The following AP3B1 variants were observed in gnomAD, a reference collection of about 807,000 sequenced individuals.
AP3B1 encodes the protein adaptor related protein complex 3 subunit beta 1, also known as AP-3 complex subunit beta-1.
In AP3B1, 61 loss-of-function variants were observed where a neutral mutation model predicts 132.5. That is an observed-to-expected ratio of 0.46 (90% CI 0.37 to 0.57). The LOEUF (loss-of-function observed/expected upper bound fraction) is 0.57, where lower values mean the gene tolerates loss of function less well. Among genes scored for constraint, AP3B1 ranks in the 20% least tolerant of loss-of-function variants. AP3B1 has a pLI of 0.00. For missense variants in AP3B1, 1,120 were observed against 1,289.4 expected, an observed-to-expected ratio of 0.87 and a Z score of 2.01; for synonymous variants, 388 against 438.3, an observed-to-expected ratio of 0.89 and a Z score of 1.43.
chr5:78,225,789 T>TC lies in AP3B1; in HGVS notation c.537-182dup, dbSNP rs1349257254. On this transcript the variant is annotated intron_variant, in intron 5 of 26. Transcript: ENST00000255194. ...TTTCTCATGAATGTGTCCTCATCTT[T>TC]CCCTCTAATATTGTTCATATTAACT... 1.2e-4 allele frequency among the ~76,000 whole-genome samples: 18 copies of TC among 152,112 alleles called. No homozygotes were observed. The East Asian group carries it at 3.5e-3, about 29-fold the overall frequency.
rs533281488 is a variant in AP3B1 at position 78,163,610 on chromosome 5, T to A, written c.1231-659A>T. On this transcript the variant is annotated intron_variant, in intron 12 of 26. Coordinates refer to ENST00000255194, the MANE Select transcript of AP3B1 (RefSeq NM_003664.5). ...GTGTGTGTATATATATATATGTGTG[T>A]GTGTGTATATATAGTATATATATAG... Among the ~76,000 whole-genome samples, 5 of 147,604 alleles carry A rather than the reference T, an allele frequency of 3.4e-5. No individual in the cohort carries two copies. In the South Asian group the frequency reaches 1.1e-3, roughly 31 times the overall value.
At chr5:78,146,333 A>C (rs1753393518) in intron 14 of AP3B1, among the ~76,000 whole-genome samples, 1 of 152,124 alleles carries the variant, frequency 6.6e-6, no homozygotes, top group Non-Finnish European at 1.5e-5. Context: ...TCTGCACAAC[A>C]AATTGTTTTG....
chr5:78,027,754 A>G (rs548279653), intron 24 of AP3B1, among the ~76,000 whole-genome samples: 34 of 152,110 alleles, frequency 2.2e-4, no homozygotes, highest in Non-Finnish European at 3.4e-4. Context: ...CTCTCTACAT[A>G]AGTATTTGTA....
chr5:78,167,623 TTATA>T (rs141625232), intron 11 of AP3B1, among the ~76,000 whole-genome samples: 2,151 of 140,850 alleles, frequency 0.015, 60 homozygotes, highest in African/African-American at 0.055. Context: ...AAAGAACATG[TTATA>T]TATATACACA....
chr5:78,097,216 A>C (rs1213199400), intron 21 of AP3B1, among the ~76,000 whole-genome samples: 1 of 58,344 alleles, frequency 1.7e-5, no homozygotes, highest in Admixed American at 2.0e-4. Flanking sequence ...CCGGCCAGCC[A>C]CCCCGTCCGG....
At chr5:78,091,448 G>A (rs558677137) in intron 21 of AP3B1, among the ~76,000 whole-genome samples, 2 of 152,182 alleles carry the variant, frequency 1.3e-5, no homozygotes, top group African/African-American at 2.4e-5. Flanking sequence ...CACTTAGTAC[G>A]GCTGAAGCAC....
rs1268797465 is a variant in AP3B1 at position 78,278,358 on chromosome 5, G to GT, written c.129-10764_129-10763insA. Among the ~76,000 whole-genome samples, 314 of 93,092 alleles carry GT rather than the reference G, an allele frequency of 3.4e-3. 4 individuals are homozygous for GT. The highest frequency in any genetic ancestry group is 0.014 in the Middle Eastern group (2 of 140). The allele number at this position is 93,092 out of a possible 152,430, so 61.1% of individuals were successfully genotyped here. On this transcript the variant is annotated intron_variant, in intron 1 of 26. Coordinates refer to ENST00000255194, the MANE Select transcript of AP3B1 (RefSeq NM_003664.5). ...CCCTCCAAAAGGGGACTAATTCTTT[G>GT]GGAGGCCGAGGCGGGCGGATCACGA...
chr5:78,265,435 C>G (rs1580565358), intron 2 of AP3B1, among the ~76,000 whole-genome samples: 1 of 151,856 alleles, frequency 6.6e-6, no homozygotes, highest in East Asian at 1.9e-4. Flanking sequence ...AGAGCAAGAC[C>G]CTGTCTCTAA....
At chr5:78,129,588 T>C (rs758293369) in intron 15 of AP3B1, among the ~76,000 whole-genome samples, 1 of 152,102 alleles carries the variant, frequency 6.6e-6, no homozygotes, top group Non-Finnish European at 1.5e-5. Context: ...AAAATAATCA[T>C]ATATGGCAAA....
At chr5:78,120,841 A>G (rs910203016) in intron 17 of AP3B1, among the ~76,000 whole-genome samples, 17 of 152,208 alleles carry the variant, frequency 1.1e-4, no homozygotes, top group African/African-American at 3.4e-4. Context: ...CACCAAGCAG[A>G]CCTAATAGAC....
intron 8 of AP3B1, among the ~76,000 whole-genome samples, chr5:78,180,406 T>C (rs796486591): frequency 2.3e-4 from 35 of 152,078 alleles, no homozygotes; most frequent in African/African-American, 8.4e-4. Flanking sequence ...AAACACAGAA[T>C]ATAAAAGAAT....
chr5:78,198,608 A>AT (rs1745165624), intron 7 of AP3B1, among the ~76,000 whole-genome samples: 1 of 152,180 alleles, frequency 6.6e-6, no homozygotes, highest in Admixed American at 6.5e-5. Flanking sequence ...CTTTAAGAAT[A>AT]CCAACTTTTA....
intron 17 of AP3B1, among the ~76,000 whole-genome samples, chr5:78,126,496 C>T (rs1215168607): frequency 2.5e-5 from 2 of 78,536 alleles, no homozygotes; most frequent in East Asian, 6.8e-4. Context: ...CAGAGCAAGA[C>T]TCTGTCTCAA....
chr5:78,108,091 A>C (rs1394215364), intron 20 of AP3B1, among the ~76,000 whole-genome samples: 1 of 152,234 alleles, frequency 6.6e-6, no homozygotes, highest in Non-Finnish European at 1.5e-5. Flanking sequence ...CCATATATTC[A>C]AGGTAACTCC....
At chr5:78,288,401 G>C (rs1273595310) in intron 1 of AP3B1, among the ~76,000 whole-genome samples, 1 of 152,198 alleles carries the variant, frequency 6.6e-6, no homozygotes, top group Non-Finnish European at 1.5e-5. Context: ...CCAAGACTGG[G>C]AGGTAAAGAT....
At chr5:78,124,395 A>G (rs1469705020) in intron 17 of AP3B1, among the ~76,000 whole-genome samples, 2 of 152,134 alleles carry the variant, frequency 1.3e-5, no homozygotes, top group African/African-American at 4.8e-5. Flanking sequence ...ATATGATTAT[A>G]ATGCGCAGCT....
intron 25 of AP3B1, among the ~76,000 whole-genome samples, chr5:78,018,708 A>C (rs1265737887): frequency 6.7e-6 from 1 of 149,714 alleles, no homozygotes; most frequent in Admixed American, 6.7e-5. Context: ...ACACCCCTTA[A>C]ATTTACTTGC....
In AP3B1 at chr5:78,280,072, C is replaced by CAAAA. The variant is rs70997984; in HGVS notation, c.129-12481_129-12478dup. On this transcript the variant is annotated intron_variant, in intron 1 of 26. Coordinates refer to ENST00000255194, the MANE Select transcript of AP3B1 (RefSeq NM_003664.5). ...TGGGCGACAGGGTGAGACTCTGTCT[C>CAAAA]AAAAAAAAAAAAAAAAGAATATATT... is the stretch of plus-strand genomic sequence containing the variant. Among the ~76,000 whole-genome samples, 52 of 84,886 alleles carry CAAAA rather than the reference C, an allele frequency of 6.1e-4. 2 individuals carry two copies. The highest frequency in any genetic ancestry group is 0.011 in the Middle Eastern group (2 of 178). The allele number at this position is 84,886 out of a possible 152,430, so 55.7% of individuals were successfully genotyped here. A position where few individuals can be genotyped will look rare whatever the true frequency, so the allele number is the denominator to read the frequency against.
intron 19 of AP3B1, 101 bp downstream of exon 19, chr5:78,113,651 C>CT (rs1008880568): frequency 2.2e-6 from 3 of 1,356,568 alleles, no homozygotes; most frequent in Non-Finnish European, 2.1e-6. Context: ...AAAATACACA[C>CT]TTTTTTTCTC....
Sources: allele counts gnomAD v4.1 joint callset (sites outside exome capture counted in the v4.1 genomes callset), GRCh38; gene constraint gnomAD v4.1.1; transcripts MANE v1.5; gene names NCBI Gene and HGNC (gene_info 2026-07-23, HGNC 2026-07-21).